Variants in GFRA1 observed in about 807,000 individuals in gnomAD.
The protein encoded by GFRA1 is GDNF family receptor alpha-1.
A neutral mutation model predicts 51.6 loss-of-function variants in GFRA1; 16 were observed. The ratio of observed to expected loss-of-function variants is 0.31; its 90% CI spans 0.21 to 0.47. The LOEUF (loss-of-function observed/expected upper bound fraction) is 0.47, where lower values mean the gene tolerates loss of function less well. GFRA1 is among the 20% of genes least tolerant of loss of function. The pLI is 1.00. For synonymous variants in GFRA1, 270 were observed against 241.3 expected (o/e 1.12, Z -1.10); for missense variants, 530 against 594.3 (o/e 0.89, Z 1.13).
intron 6 of GFRA1, among the ~76,000 whole-genome samples, chr10:116,099,180 C>A (rs1565574421): frequency 6.6e-6 from 1 of 152,228 alleles, no homozygotes; most frequent in Non-Finnish European, 1.5e-5. Flanking sequence ...GCCAGCTCAT[C>A]ACTGGTGAGT....
chr10:116,083,498 A>C (rs1192114983), intron 9 of GFRA1, among the ~76,000 whole-genome samples: 1 of 152,254 alleles, frequency 6.6e-6, no homozygotes, highest in Non-Finnish European at 1.5e-5. Context: ...GCTCCGTGCT[A>C]GAAGATTGAA....
rs2133743441 is a variant in GFRA1 at position 116,061,426 on chromosome 10, T to G, written c.*2972A>C. On this transcript the variant is annotated 3_prime_UTR_variant, in exon 11 of 11. Coordinates refer to ENST00000355422, the MANE Select transcript of GFRA1 (RefSeq NM_005264.8). ...CATTCTCAATTCCTTCTCTATATTG[T>G]GTGCTTCTTCCTTCATGTGCTCTAT... 6.6e-6 allele frequency: 1 copy of G among 152,346 alleles called. No individual in the cohort carries two copies. Among genetic ancestry groups the G allele is most frequent in the Middle Eastern group, 3.4e-3 (1 of 294 alleles). 9.4% of individuals were successfully genotyped at this position (152,346 alleles called of 1,614,324 possible).
At chr10:116,110,638 G>C (rs1227748724) in intron 6 of GFRA1, among the ~76,000 whole-genome samples, 1 of 152,190 alleles carries the variant, frequency 6.6e-6, no homozygotes, top group Non-Finnish European at 1.5e-5. Flanking sequence ...ACCCAGGACA[G>C]AGACTGTTCA....
chr10:116,094,996 G>A (rs1589783353), intron 7 of GFRA1, among the ~76,000 whole-genome samples: 1 of 152,190 alleles, frequency 6.6e-6, no homozygotes. Context: ...ACCCAACAGA[G>A]AAAGACATTT....
chr10:116,244,640 G>A (rs1967720128), intron 4 of GFRA1, among the ~76,000 whole-genome samples: 1 of 151,740 alleles, frequency 6.6e-6, no homozygotes, highest in Non-Finnish European at 1.5e-5. Context: ...GTGACTAGGA[G>A]GACAGACCTG....
chr10:116,258,802 G>C (rs1430916851), intron 4 of GFRA1, among the ~76,000 whole-genome samples: 3 of 152,168 alleles, frequency 2.0e-5, no homozygotes, highest in African/African-American at 7.2e-5. Flanking sequence ...GCTTAAGCAA[G>C]TTATGACATA....
chr10:116,180,949 G>T (rs531012777), intron 5 of GFRA1, among the ~76,000 whole-genome samples: 1 of 152,246 alleles, frequency 6.6e-6, no homozygotes, highest in Admixed American at 6.5e-5. Flanking sequence ...AGCAAGAAAA[G>T]GGACTGGGTT....
chr10:116,271,651 G>C lies in GFRA1; in HGVS notation c.40+339C>G, dbSNP rs927441698. ...CCAAGTTTGCTCTCCCGGCCCCAAT[G>C]CTCCCCAACTCCACCTGCCCGCCGC... On this transcript the variant is annotated intron_variant, in intron 2 of 10. Transcript: ENST00000355422. 8.5e-5 allele frequency among the ~76,000 whole-genome samples: 13 copies of C among 152,200 alleles called. No individual in the cohort carries two copies. The East Asian group carries it at 2.5e-3, about 30-fold the overall frequency.
rs141895711 is a variant in GFRA1 at position 116,082,566 on chromosome 10, C to T, written c.1197+7175G>A. Reference sequence around the variant, plus strand: ...TGCGATCTTGGCTCACCACAACCTCCGCCTCCCGGATTCAAGCGATTCTCC... The same window carrying T: ...TGCGATCTTGGCTCACCACAACCTCTGCCTCCCGGATTCAAGCGATTCTCC... On this transcript the variant is annotated intron_variant, in intron 9 of 10. Transcript: ENST00000355422. Among the ~76,000 whole-genome samples, 41 of 152,176 alleles carry T rather than the reference C, an allele frequency of 2.7e-4. No homozygotes were observed. The East Asian group carries it at 6.4e-3, about 24-fold the overall frequency.
chr10:116,171,177 A>T (rs905299848), intron 5 of GFRA1, among the ~76,000 whole-genome samples: 3 of 152,198 alleles, frequency 2.0e-5, no homozygotes, highest in Non-Finnish European at 4.4e-5. Context: ...CCTGCCCTGG[A>T]TTATGCTATT....
intron 4 of GFRA1, among the ~76,000 whole-genome samples, chr10:116,268,940 G>C (rs903791731): frequency 1.3e-5 from 2 of 152,160 alleles, no homozygotes; most frequent in Non-Finnish European, 2.9e-5. Context: ...CATTGGGGCA[G>C]GAGTACATTC....
At chr10:116,244,013 T>C (rs939201902) in intron 4 of GFRA1, among the ~76,000 whole-genome samples, 17 of 152,142 alleles carry the variant, frequency 1.1e-4, no homozygotes, top group African/African-American at 3.1e-4. Flanking sequence ...AAAGAAAATA[T>C]AGATGACTGC....
At chr10:116,214,411 G>A (rs1965422790) in intron 4 of GFRA1, among the ~76,000 whole-genome samples, 1 of 152,146 alleles carries the variant, frequency 6.6e-6, no homozygotes, top group Admixed American at 6.5e-5. Flanking sequence ...CTACCTACGA[G>A]GGAGGGAAAG....
chr10:116,080,130 C>T (rs1432663382), intron 9 of GFRA1, among the ~76,000 whole-genome samples: 1 of 152,160 alleles, frequency 6.6e-6, no homozygotes, highest in African/African-American at 2.4e-5. Context: ...GCCGAAAGCC[C>T]CTTGAAACTT....
intron 5 of GFRA1, among the ~76,000 whole-genome samples, chr10:116,196,544 T>TA (rs1963776563): frequency 1.6e-5 from 2 of 125,180 alleles, no homozygotes; most frequent in African/African-American, 6.0e-5. Flanking sequence ...TAAATTTATA[T>TA]ATATTTTTAT....
chr10:116,179,465 AG>A (rs2134264732), intron 5 of GFRA1, among the ~76,000 whole-genome samples: 1 of 152,314 alleles, frequency 6.6e-6, no homozygotes, highest in African/African-American at 2.4e-5. Context: ...TGAAGTATGG[AG>A]ATGAAGTGAC....
At chr10:116,164,466 A>C (rs763366158) in intron 5 of GFRA1, among the ~76,000 whole-genome samples, 3 of 152,174 alleles carry the variant, frequency 2.0e-5, no homozygotes, top group Non-Finnish European at 4.4e-5. Context: ...ATTTGAAATG[A>C]AGGCATTGTT....
rs547696262 is a variant in GFRA1, at chr10:116,165,093, C to G, written c.434-39536G>C. On this transcript the variant is annotated intron_variant, in intron 5 of 10. Coordinates refer to ENST00000355422, the MANE Select transcript of GFRA1 (RefSeq NM_005264.8). ...TGTATTCTCTGGAAACACGGAGCTCCTAAGAGCTTTGGGTCCTGAAATCTC... is the reference window on the plus strand; with the variant it reads ...TGTATTCTCTGGAAACACGGAGCTCGTAAGAGCTTTGGGTCCTGAAATCTC... 4.6e-5 allele frequency among the ~76,000 whole-genome samples: 7 copies of G among 152,246 alleles called. No homozygotes were observed. The South Asian group carries it at 1.5e-3, about 32-fold the overall frequency.
intron 5 of GFRA1, among the ~76,000 whole-genome samples, chr10:116,204,956 T>G (rs1202214109): frequency 1.3e-5 from 2 of 152,140 alleles, no homozygotes; most frequent in Non-Finnish European, 2.9e-5. Context: ...GTGGAGAAAC[T>G]TGACACACAC....
Sources: allele counts gnomAD v4.1 joint callset (sites outside exome capture counted in the v4.1 genomes callset), GRCh38; gene constraint gnomAD v4.1.1; transcripts MANE v1.5; gene names NCBI Gene and HGNC (gene_info 2026-07-23, HGNC 2026-07-21).